Variants in PXDNL observed in about 807,000 individuals in gnomAD.
PXDNL encodes probable oxidoreductase PXDNL.
In PXDNL, 145 loss-of-function variants were observed where a neutral mutation model predicts 150.8. That is an observed-to-expected ratio of 0.96 (90% CI 0.84 to 1.10). PXDNL has a LOEUF of 1.10. PXDNL is among the 50% of genes least tolerant of loss of function. The pLI is 0.00. For synonymous variants in PXDNL, 757 were observed against 725.7 expected (o/e 1.04, Z -0.69); for missense variants, 2,087 against 1,873.9 (o/e 1.11, Z -2.10).
At chr8:51,740,256 T>C (rs2036889760) in intron 1 of PXDNL, among the ~76,000 whole-genome samples, 2 of 152,240 alleles carry the variant, frequency 1.3e-5, no homozygotes, top group African/African-American at 2.4e-5. Context: ...ATTGATTACA[T>C]GTCCTTGCTA....
intron 1 of PXDNL, among the ~76,000 whole-genome samples, chr8:51,748,484 C>T (rs1024358622): frequency 6.6e-6 from 1 of 152,158 alleles, no homozygotes; most frequent in Non-Finnish European, 1.5e-5. Context: ...TGGGGTGGCA[C>T]GCTCCTGGAT....
At chr8:51,596,665 A>G (rs1813573881) in intron 2 of PXDNL, among the ~76,000 whole-genome samples, 1 of 152,074 alleles carries the variant, frequency 6.6e-6, no homozygotes, top group Non-Finnish European at 1.5e-5. Context: ...CGTGATGATG[A>G]GCATTTTATC....
At chr8:51,603,211 C>A (rs999448101) in intron 2 of PXDNL, among the ~76,000 whole-genome samples, 1 of 151,334 alleles carries the variant, frequency 6.6e-6, no homozygotes, top group Non-Finnish European at 1.5e-5. Context: ...TAGTTTCTAC[C>A]CCTCTTTTTT....
At chr8:51,419,083 G>T (rs573734460) in intron 14 of PXDNL, among the ~76,000 whole-genome samples, 2 of 152,278 alleles carry the variant, frequency 1.3e-5, no homozygotes, top group South Asian at 4.1e-4. Context: ...CAGGGGTTCA[G>T]ATTCGAATAT....
chr8:51,339,088 T>A (rs565846225), intron 21 of PXDNL, among the ~76,000 whole-genome samples: 4 of 152,202 alleles, frequency 2.6e-5, no homozygotes, highest in Non-Finnish European at 5.9e-5. Flanking sequence ...CCCTGAGCGT[T>A]AGGTAGAAAG....
intron 3 of PXDNL, among the ~76,000 whole-genome samples, chr8:51,581,491 C>A (rs1009338420): frequency 2.0e-4 from 27 of 138,396 alleles, no homozygotes; most frequent in African/African-American, 8.4e-4. Flanking sequence ...GAGACCCTGT[C>A]TCTAAATAAA....
At chr8:51,443,385 A>G (rs879768629) in intron 12 of PXDNL, among the ~76,000 whole-genome samples, 22 of 152,152 alleles carry the variant, frequency 1.4e-4, no homozygotes, top group African/African-American at 3.6e-4. Flanking sequence ...CAAAGAGCTA[A>G]AAGGGATTGA....
At chr8:51,707,009 C>G (rs901946339) in intron 1 of PXDNL, among the ~76,000 whole-genome samples, 1 of 152,148 alleles carries the variant, frequency 6.6e-6, no homozygotes, top group African/African-American at 2.4e-5. Flanking sequence ...GAGAATTGCA[C>G]CATTACTGAA....
chr8:51,629,660 T>C (rs1437195664), intron 2 of PXDNL, among the ~76,000 whole-genome samples: 5 of 152,062 alleles, frequency 3.3e-5, no homozygotes, highest in African/African-American at 9.7e-5. Flanking sequence ...AGAGCATGTT[T>C]AAAGCACTAA....
At chr8:51,357,163 T>C (rs1806535272) in intron 19 of PXDNL, among the ~76,000 whole-genome samples, 1 of 152,224 alleles carries the variant, frequency 6.6e-6, no homozygotes, top group Non-Finnish European at 1.5e-5. Flanking sequence ...ATTATTTGAA[T>C]CAGAATATAG....
chr8:51,323,329 G>T (rs1393067911), intron 21 of PXDNL, among the ~76,000 whole-genome samples: 1 of 152,128 alleles, frequency 6.6e-6, no homozygotes, highest in Non-Finnish European at 1.5e-5. Flanking sequence ...ACCCAGGCTG[G>T]AGTGTAGTGG....
At chr8:51,454,336 A>G (rs1809879626) in intron 9 of PXDNL, among the ~76,000 whole-genome samples, 1 of 152,214 alleles carries the variant, frequency 6.6e-6, no homozygotes, top group Admixed American at 6.5e-5. Flanking sequence ...CACTATAGGT[A>G]ATGTGGCAGC....
At chr8:51,808,156 T>C (rs2037698201) in intron 1 of PXDNL, among the ~76,000 whole-genome samples, 1 of 152,222 alleles carries the variant, frequency 6.6e-6, no homozygotes, top group Non-Finnish European at 1.5e-5. Context: ...TGTGTGGCAA[T>C]GATCCTCTTA....
At chr8:51,636,631 A>C (rs996041730) in intron 2 of PXDNL, among the ~76,000 whole-genome samples, 2 of 152,236 alleles carry the variant, frequency 1.3e-5, no homozygotes, top group African/African-American at 4.8e-5. Context: ...AAATTTAATC[A>C]AAGTAAACAT....
chr8:51,706,373 T>G (rs1012232543), intron 1 of PXDNL, among the ~76,000 whole-genome samples: 1 of 152,094 alleles, frequency 6.6e-6, no homozygotes, highest in Non-Finnish European at 1.5e-5. Context: ...TCACAGTCTA[T>G]TTAGATCAAT....
chr8:51,358,235 T>G (rs1461883695), intron 19 of PXDNL, among the ~76,000 whole-genome samples: 2 of 152,222 alleles, frequency 1.3e-5, no homozygotes, highest in African/African-American at 4.8e-5. Flanking sequence ...TCAGAGCCCA[T>G]GGGATTTCAT....
At chr8:51,397,527 C>G (rs1363346854) in intron 17 of PXDNL, among the ~76,000 whole-genome samples, 1 of 152,064 alleles carries the variant, frequency 6.6e-6, no homozygotes, top group Non-Finnish European at 1.5e-5. Flanking sequence ...AGGAGATAAG[C>G]CATACTCCTC....
rs1940119767 is a variant in PXDNL, at chr8:51,453,530, A to G, written c.1238T>C (p.Ile413Thr). The G allele has an allele frequency of 1.2e-6, 2 of 1,613,900 alleles. No individual in the cohort carries two copies. Among genetic ancestry groups the G allele is most frequent in the South Asian group, 2.2e-5 (2 of 91,088 alleles). ...SHGTVQAAAN[I>T]IVQAPPQFTV... The stretch of plus-strand genomic sequence containing the variant: ...TTCTGCTCCCATACCTTGTACAATT[A>G]TGTTTGCTGCAGCTTGAACAGTGCC... Residue 413 changes from isoleucine (I) to threonine (T), a missense_variant, in exon 10 of 23, where the codon ATA (isoleucine) becomes ACA (threonine). Ile to Thr is a moderately conservative substitution (Grantham distance 89, BLOSUM62 -1). Transcript: ENST00000356297.
rs1261725996 is a variant in PXDNL, at chr8:51,535,094, G to T, written c.380+21746C>A. ...CAGCCGCCCCGTCCGGGAGGGTGGT[G>T]GGGGGGTCAGCCCCCCGCCCGGCCA... On this transcript the variant is annotated intron_variant, in intron 4 of 22. Transcript: ENST00000356297. Among the ~76,000 whole-genome samples the T allele has an allele frequency of 1.2e-4, 14 of 115,296 alleles. No homozygotes were observed. In the South Asian group the frequency reaches 3.8e-3, roughly 31 times the overall value. The allele number at this position is 115,296 out of a possible 152,430, so 75.6% of individuals were successfully genotyped here.
Sources: allele counts gnomAD v4.1 joint callset (sites outside exome capture counted in the v4.1 genomes callset), GRCh38; gene constraint gnomAD v4.1.1; transcripts MANE v1.5; gene names NCBI Gene and HGNC (gene_info 2026-07-23, HGNC 2026-07-21).